TMEM232: variants seen among roughly 807,000 people sequenced by gnomAD.
The protein encoded by TMEM232 is transmembrane protein 232.
TMEM232 carries 80 observed loss-of-function variants against 78.8 expected under a neutral mutation model. The ratio of observed to expected loss-of-function variants is 1.01; its 90% CI spans 0.85 to 1.22. TMEM232 has a LOEUF of 1.22. Ranked by LOEUF, TMEM232 falls within the 50% of genes most tolerant of loss-of-function variation. TMEM232 has a pLI of 0.00. For synonymous variants in TMEM232, 297 were observed against 254.3 expected (o/e 1.17, Z -1.60); for missense variants, 881 against 742.2 (o/e 1.19, Z -2.17).
At chr5:110,635,118 C>A (rs1299405386) in intron 5 of TMEM232, among the ~76,000 whole-genome samples, 1 of 151,916 alleles carries the variant, frequency 6.6e-6, no homozygotes, top group South Asian at 2.1e-4. Flanking sequence ...AACATACAAC[C>A]TACCAAGATT....
intron 2 of TMEM232, among the ~76,000 whole-genome samples, chr5:110,409,627 GC>G (rs1755915420): frequency 6.6e-6 from 1 of 152,044 alleles, no homozygotes; most frequent in African/African-American, 2.4e-5. Context: ...TTTCAAGAAA[GC>G]CCTTAGAGAT....
intron 2 of TMEM232, among the ~76,000 whole-genome samples, chr5:110,646,990 T>C (rs1422494): frequency 0.79 from 119,264 of 151,394 alleles, 48,569 homozygotes; most frequent in East Asian, 0.93. Context: ...ATTATCAGAA[T>C]TTAAAAAAAT....
At chr5:110,456,409 TAA>T (rs900397110) in intron 12 of TMEM232, among the ~76,000 whole-genome samples, 1 of 151,932 alleles carries the variant, frequency 6.6e-6, no homozygotes, top group African/African-American at 2.4e-5. Context: ...CAGATCTAAA[TAA>T]AAGAGGTGTA....
At chr5:110,426,096 C>G (rs1040556895) in intron 12 of TMEM232, among the ~76,000 whole-genome samples, 2 of 151,926 alleles carry the variant, frequency 1.3e-5, no homozygotes, top group Non-Finnish European at 2.9e-5. Context: ...TTTTCACATG[C>G]TGTCATTTCT....
chr5:110,526,001 G>A (rs190496212), intron 12 of TMEM232, among the ~76,000 whole-genome samples: 2 of 92,704 alleles, frequency 2.2e-5, no homozygotes, highest in East Asian at 2.9e-4. Context: ...ATAGGCAGAT[G>A]GATCTACACC....
At chr5:110,513,676 C>CA (rs1360085975) in intron 12 of TMEM232, among the ~76,000 whole-genome samples, 20 of 151,922 alleles carry the variant, frequency 1.3e-4, no homozygotes, top group African/African-American at 3.6e-4. Flanking sequence ...TTAAAAAAGA[C>CA]AAAATACAAA....
intron 5 of TMEM232, among the ~76,000 whole-genome samples, chr5:110,630,272 A>T (rs1352041506): frequency 6.6e-6 from 1 of 152,204 alleles, no homozygotes; most frequent in African/African-American, 2.4e-5. Context: ...GACACTGCAT[A>T]CTCATTCTCT....
intron 10 of TMEM232, among the ~76,000 whole-genome samples, chr5:110,579,225 T>TTTGGGTA (rs1777897091): frequency 6.6e-6 from 1 of 150,926 alleles, no homozygotes; most frequent in Non-Finnish European, 1.5e-5. Flanking sequence ...AAAAAAAATC[T>TTTGGGTA]GCCAGGAAGA....
At chr5:110,469,421 A>T (rs776248508) in intron 12 of TMEM232, among the ~76,000 whole-genome samples, 51 of 152,340 alleles carry the variant, frequency 3.3e-4, no homozygotes, top group Middle Eastern at 3.4e-3. Flanking sequence ...TACTCATGCC[A>T]GTCATGGCTG....
chr5:110,455,197 T>C (rs1210225461), intron 12 of TMEM232, among the ~76,000 whole-genome samples: 1 of 152,110 alleles, frequency 6.6e-6, no homozygotes, highest in Non-Finnish European at 1.5e-5. Context: ...GCACAATGAA[T>C]ATAACAATTA....
intron 12 of TMEM232, among the ~76,000 whole-genome samples, chr5:110,518,449 A>T (rs1256807799): frequency 6.6e-6 from 1 of 152,132 alleles, no homozygotes; most frequent in African/African-American, 2.4e-5. Context: ...GGCCACTTAG[A>T]ACTGACATTT....
intron 10 of TMEM232, among the ~76,000 whole-genome samples, chr5:110,573,692 C>T (rs1475456355): frequency 6.6e-6 from 1 of 152,006 alleles, no homozygotes; most frequent in Admixed American, 6.6e-5. Flanking sequence ...AAGAAAACTA[C>T]TGTAGACAGA....
intron 10 of TMEM232, among the ~76,000 whole-genome samples, chr5:110,579,207 GA>G (rs1777894674): frequency 6.6e-6 from 1 of 150,418 alleles, no homozygotes; most frequent in Admixed American, 6.6e-5. Context: ...TGTTCAAAGG[GA>G]TGGAAGAAAA....
At chr5:110,520,200 A>G (rs557428518) in intron 12 of TMEM232, among the ~76,000 whole-genome samples, 2 of 152,182 alleles carry the variant, frequency 1.3e-5, no homozygotes, top group African/African-American at 4.8e-5. Context: ...ACACATTATT[A>G]GAGTGACAGA....
At chr5:110,408,724 G>A (rs1003610032) in intron 2 of TMEM232, among the ~76,000 whole-genome samples, 6 of 151,982 alleles carry the variant, frequency 3.9e-5, no homozygotes, top group Non-Finnish European at 8.8e-5. Context: ...AGTAACATCA[G>A]GAGTAAAAAA....
intron 1 of TMEM232, among the ~76,000 whole-genome samples, chr5:110,710,445 C>CA (rs936395050): frequency 1.3e-5 from 2 of 151,880 alleles, no homozygotes; most frequent in Admixed American, 6.6e-5. Flanking sequence ...ATATTAAAAA[C>CA]AAAAAACTAC....
At chr5:110,597,624 C>T (rs1430773262) in intron 10 of TMEM232, among the ~76,000 whole-genome samples, 3 of 151,620 alleles carry the variant, frequency 2.0e-5, no homozygotes, top group Non-Finnish European at 2.9e-5. Context: ...TACTACAAGG[C>T]TACAGTAACC....
intron 12 of TMEM232, among the ~76,000 whole-genome samples, chr5:110,425,749 C>T (rs960292024): frequency 3.9e-5 from 6 of 152,080 alleles, no homozygotes; most frequent in Non-Finnish European, 1.5e-5. Flanking sequence ...ACCATAATCT[C>T]TCACCTGGAT....
intron 12 of TMEM232, among the ~76,000 whole-genome samples, chr5:110,512,578 A>G (rs1252966865): frequency 6.6e-6 from 1 of 152,186 alleles, no homozygotes; most frequent in Non-Finnish European, 1.5e-5. Flanking sequence ...TTACTTGGAA[A>G]CATCAATTTC....
Sources: gnomAD v4.1 joint callset for allele counts (sites outside exome capture counted in the v4.1 genomes callset) on GRCh38, gnomAD v4.1.1 for gene constraint, MANE v1.5 for transcripts, NCBI Gene and HGNC (gene_info 2026-07-23, HGNC 2026-07-21) for gene names.